SGCG: variants seen among roughly 807,000 people sequenced by gnomAD.
SGCG encodes gamma-sarcoglycan.
Under a neutral mutation model 29.3 loss-of-function variants are expected in SGCG, and 26 were observed. The ratio of observed to expected loss-of-function variants is 0.89; its 90% CI spans 0.65 to 1.23. SGCG has a LOEUF of 1.23. Ranked by LOEUF, SGCG falls within the 50% of genes most tolerant of loss-of-function variation. SGCG has a pLI of 0.00. For missense variants in SGCG, 353 were observed against 356.0 expected (o/e 0.99, Z 0.07); for synonymous variants, 145 against 129.7 (o/e 1.12, Z -0.80).
At chr13:23,234,355 G>C (rs1879225825) in intron 2 of SGCG, among the ~76,000 whole-genome samples, 1 of 151,720 alleles carries the variant, frequency 6.6e-6, no homozygotes, top group Admixed American at 6.6e-5. Context: ...TTTCTTACAT[G>C]GTGATGGGCT....
In SGCG at chr13:23,251,567, G is replaced by C. The variant is rs530709606; in HGVS notation, c.385+850G>C. ...GGAGGCCAGGATGGAAGGATTGCTT[G>C]AATCTAGGTGATCAAGATCAGCCTG... On this transcript the variant is annotated intron_variant, in intron 4 of 7. Transcript: ENST00000218867. Among the ~76,000 whole-genome samples the C allele has an allele frequency of 1.2e-3, 189 of 152,070 alleles. 2 individuals are homozygous for C. Among genetic ancestry groups the C allele is most frequent in the African/African-American group, 4.4e-3 (182 of 41,548 alleles).
At chr13:23,262,774 A>G (rs1880493444) in intron 4 of SGCG, among the ~76,000 whole-genome samples, 1 of 152,038 alleles carries the variant, frequency 6.6e-6, no homozygotes. Flanking sequence ...AAGTCTCAAT[A>G]AATTTTTTAA....
At position 23,324,673 on chromosome 13, in the gene SGCG, A is replaced by C. The variant is rs898952977; in HGVS notation, c.*132A>C. On this transcript the variant is annotated 3_prime_UTR_variant, in exon 8 of 8. Transcript: ENST00000218867. ...ACGCTTCCAGAGGAACTCAGAAAAA[A>C]TTATGTGCCAGTGAAAGTGTTTGGA... is the stretch of plus-strand genomic sequence containing the variant. The C allele has an allele frequency of 1.4e-5, 11 of 782,404 alleles. No individual in the cohort carries two copies. The African/African-American group carries it at 1.9e-4, about 13-fold the overall frequency. The allele number at this position is 782,404 out of a possible 1,614,324, so 48.5% of individuals were successfully genotyped here. A position where few individuals can be genotyped will look rare whatever the true frequency, so the allele number is the denominator to read the frequency against.
At chr13:23,182,676 GT>G (rs1322454959) in intron 1 of SGCG, among the ~76,000 whole-genome samples, 1 of 152,178 alleles carries the variant, frequency 6.6e-6, no homozygotes, top group Non-Finnish European at 1.5e-5. Flanking sequence ...GGAGTATTTA[GT>G]AATTTGTGAA....
chr13:23,303,633 C>T (rs1882255538), intron 6 of SGCG, among the ~76,000 whole-genome samples: 1 of 152,156 alleles, frequency 6.6e-6, no homozygotes, highest in Admixed American at 6.6e-5. Context: ...ATACAAGTTC[C>T]CAGGTATGCA....
At chr13:23,279,646 A>C (rs1376879613) in intron 5 of SGCG, among the ~76,000 whole-genome samples, 168 bp downstream of exon 5, 3 of 149,662 alleles carry the variant, frequency 2.0e-5, no homozygotes, top group Non-Finnish European at 4.5e-5. Flanking sequence ...GCTCTCCTAG[A>C]AGAACAAAAT....
intron 4 of SGCG, among the ~76,000 whole-genome samples, chr13:23,277,768 G>A (rs1033072739): frequency 2.7e-5 from 4 of 146,586 alleles, no homozygotes; most frequent in African/African-American, 5.1e-5. Flanking sequence ...GCGTGATCTC[G>A]GCTCACTGCA....
chr13:23,224,665 T>TACACACACACACACAC (rs60671278), intron 2 of SGCG, among the ~76,000 whole-genome samples: 39,659 of 141,824 alleles, frequency 0.28, 5,813 homozygotes, highest in East Asian at 0.5. Flanking sequence ...AGGGCACACA[T>TACACACACACACACAC]ACACACACAC....
intron 7 of SGCG, among the ~76,000 whole-genome samples, chr13:23,323,293 T>C (rs1485777813): frequency 6.6e-6 from 1 of 152,222 alleles, no homozygotes; most frequent in African/African-American, 2.4e-5. Flanking sequence ...GCTATTTGAC[T>C]TCTTTGACCG....
At position 23,324,320 on chromosome 13, in the gene SGCG, C is replaced by A. The variant is rs560111153; in HGVS notation, c.703-48C>A. ...GTGAGAATGGGGATTTGCTGCTGAC[C>A]AGGGTGGCCCTTCCTTAACTCTTCG... On this transcript the variant is annotated intron_variant, in intron 7 of 7. Coordinates refer to ENST00000218867, the MANE Select transcript of SGCG (RefSeq NM_000231.3). 40 of 1,570,786 alleles carry A rather than the reference C, an allele frequency of 2.5e-5. No homozygotes were observed. The South Asian group carries it at 3.2e-4, about 13-fold the overall frequency.
chr13:23,184,267 T>C (rs1043261345), intron 1 of SGCG, among the ~76,000 whole-genome samples: 2 of 152,220 alleles, frequency 1.3e-5, no homozygotes, highest in African/African-American at 4.8e-5. Flanking sequence ...AGTTGATACA[T>C]TGAAATAACT....
intron 6 of SGCG, among the ~76,000 whole-genome samples, chr13:23,308,963 C>A (rs556873992): frequency 2.0e-5 from 3 of 151,960 alleles, no homozygotes; most frequent in African/African-American, 7.3e-5. Flanking sequence ...CCTTTATAAT[C>A]GTGAAGTCTC....
At chr13:23,231,329 C>CTTTTTTTTTTTTT (rs57796934) in intron 2 of SGCG, among the ~76,000 whole-genome samples, 1 of 145,446 alleles carries the variant, frequency 6.9e-6, no homozygotes, top group Non-Finnish European at 1.5e-5. Flanking sequence ...CCCTCTTTCT[C>CTTTTTTTTTTTTT]TTTTTTTTTT....
intron 2 of SGCG, among the ~76,000 whole-genome samples, chr13:23,221,065 C>A (rs966575857): frequency 6.6e-6 from 1 of 152,094 alleles, no homozygotes; most frequent in African/African-American, 2.4e-5. Context: ...AATGTGTAAG[C>A]ATTCATGCAT....
intron 5 of SGCG, among the ~76,000 whole-genome samples, chr13:23,281,104 G>A (rs1881288841): frequency 6.6e-6 from 1 of 152,122 alleles, no homozygotes; most frequent in South Asian, 2.1e-4. Context: ...GGAGGCTGAG[G>A]TGGATGGATC....
chr13:23,251,530 C>T (rs1187407948), intron 4 of SGCG, among the ~76,000 whole-genome samples: 2 of 152,138 alleles, frequency 1.3e-5, no homozygotes, highest in Non-Finnish European at 2.9e-5. Context: ...CCCCTGTAAT[C>T]CCAGCACTTT....
At chr13:23,219,701 C>T (rs1196342340) in intron 2 of SGCG, among the ~76,000 whole-genome samples, 5 of 151,006 alleles carry the variant, frequency 3.3e-5, no homozygotes, top group Admixed American at 2.6e-4. Context: ...ATAATGTATA[C>T]ATGATGTATC....
At chr13:23,202,775 C>T (rs1022356224) in intron 1 of SGCG, among the ~76,000 whole-genome samples, 1 of 152,012 alleles carries the variant, frequency 6.6e-6, no homozygotes, top group Admixed American at 6.5e-5. Flanking sequence ...CTCCAAATCA[C>T]CCCTAAAAAT....
intron 2 of SGCG, among the ~76,000 whole-genome samples, chr13:23,221,433 CCTA>C (rs1318938480): frequency 6.6e-6 from 1 of 152,110 alleles, no homozygotes; most frequent in East Asian, 1.9e-4. Context: ...CAATTATTAA[CCTA>C]TTAATTTTAA....
Sources: allele counts gnomAD v4.1 joint callset (sites outside exome capture counted in the v4.1 genomes callset), GRCh38; gene constraint gnomAD v4.1.1; transcripts MANE v1.5; gene names NCBI Gene and HGNC (gene_info 2026-07-23, HGNC 2026-07-21).